Variants in CALCR observed in about 807,000 individuals in gnomAD.
CALCR encodes the protein calcitonin receptor.
In CALCR, 47 loss-of-function variants were observed where a neutral mutation model predicts 59.5. The ratio of observed to expected loss-of-function variants is 0.79; its 90% CI spans 0.63 to 1.01. The LOEUF (loss-of-function observed/expected upper bound fraction) is 1.01, where lower values mean the gene tolerates loss of function less well. CALCR is among the 50% of genes least tolerant of loss of function. The pLI is 0.00. For missense variants in CALCR, 566 were observed against 597.1 expected (o/e 0.95, Z 0.54); for synonymous variants, 213 against 211.3 (o/e 1.01, Z -0.07).
chr7:93,528,133 T>C (rs1788719612), intron 2 of CALCR, among the ~76,000 whole-genome samples: 1 of 152,152 alleles, frequency 6.6e-6, no homozygotes, highest in Admixed American at 6.6e-5. Context: ...TTTAAATAAA[T>C]TTCGTACACT....
intron 8 of CALCR, 91 bp downstream of exon 8, chr7:93,460,730 C>T (rs1328581040): frequency 1.1e-6 from 1 of 928,290 alleles, no homozygotes; most frequent in Admixed American, 2.8e-5. Flanking sequence ...ATGTAAACAG[C>T]TGCTTAAGTC....
At chr7:93,512,271 C>T (rs1224788330) in intron 2 of CALCR, among the ~76,000 whole-genome samples, 1 of 152,104 alleles carries the variant, frequency 6.6e-6, no homozygotes, top group African/African-American at 2.4e-5. Flanking sequence ...CATAACAGCC[C>T]TGTATGGTAC....
At chr7:93,450,911 T>C (rs1223677322) in intron 8 of CALCR, among the ~76,000 whole-genome samples, 1 of 151,970 alleles carries the variant, frequency 6.6e-6, no homozygotes, top group Non-Finnish European at 1.5e-5. Context: ...AAAACAATTT[T>C]CTTCAAAAAG....
intron 8 of CALCR, among the ~76,000 whole-genome samples, chr7:93,456,439 A>G (rs1351246192): frequency 6.6e-6 from 1 of 152,070 alleles, no homozygotes; most frequent in African/African-American, 2.4e-5. Context: ...TCTGTAGAAA[A>G]AAAAAAACAG....
intron 8 of CALCR, among the ~76,000 whole-genome samples, chr7:93,460,593 G>GTATATATATATA (rs368578654): frequency 1.7e-3 from 156 of 89,350 alleles, no homozygotes; most frequent in African/African-American, 6.4e-3. Context: ...ATATATATAT[G>GTATATATATATA]TATATATATA....
chr7:93,480,402 A>G (rs1049282971), intron 3 of CALCR, among the ~76,000 whole-genome samples: 1 of 151,286 alleles, frequency 6.6e-6, no homozygotes, highest in Non-Finnish European at 1.5e-5. Flanking sequence ...TTTTGAGGAG[A>G]CCTAAAAACA....
At chr7:93,498,708 T>C (rs1801261709) in intron 2 of CALCR, among the ~76,000 whole-genome samples, 1 of 151,664 alleles carries the variant, frequency 6.6e-6, no homozygotes. Context: ...TGAAGAAATC[T>C]TAAGTGGGCT....
intron 2 of CALCR, among the ~76,000 whole-genome samples, chr7:93,533,138 CATTTT>C (rs574177016): frequency 1.4e-4 from 22 of 151,832 alleles, no homozygotes; most frequent in Non-Finnish European, 2.8e-4. Context: ...TGTTCAACTT[CATTTT>C]ATTATTACAT....
chr7:93,532,542 G>A (rs1023950435), intron 2 of CALCR, among the ~76,000 whole-genome samples: 2 of 151,986 alleles, frequency 1.3e-5, no homozygotes, highest in African/African-American at 4.8e-5. Flanking sequence ...TAATGAGAAA[G>A]CTACATAATT....
intron 2 of CALCR, among the ~76,000 whole-genome samples, chr7:93,489,061 A>C (rs916020970): frequency 1.3e-5 from 2 of 151,750 alleles, no homozygotes; most frequent in African/African-American, 4.8e-5. Context: ...CATAACAAAC[A>C]GTCTCTCAGA....
At chr7:93,485,072 A>AT (rs561681728) in intron 3 of CALCR, among the ~76,000 whole-genome samples, 9 of 151,632 alleles carry the variant, frequency 5.9e-5, no homozygotes, top group African/African-American at 1.9e-4. Context: ...TGTCATTAAA[A>AT]TTTTTTTTCT....
At chr7:93,552,854 T>TA (rs1789497564) in intron 2 of CALCR, among the ~76,000 whole-genome samples, 1 of 152,128 alleles carries the variant, frequency 6.6e-6, no homozygotes, top group Non-Finnish European at 1.5e-5. Context: ...TCCTCCCCGG[T>TA]AAAAAGGGGA....
chr7:93,498,496 C>T (rs753171129), intron 2 of CALCR, among the ~76,000 whole-genome samples: 15 of 151,602 alleles, frequency 9.9e-5, no homozygotes, highest in African/African-American at 3.4e-4. Flanking sequence ...TTTATAGTAT[C>T]GGAACTCTAA....
intron 2 of CALCR, among the ~76,000 whole-genome samples, chr7:93,541,060 T>C (rs1375096977): frequency 6.6e-6 from 1 of 152,156 alleles, no homozygotes; most frequent in Non-Finnish European, 1.5e-5. Flanking sequence ...TTATAATTTG[T>C]AAAATATGAT....
chr7:93,529,990 T>C (rs1007361727), intron 2 of CALCR, among the ~76,000 whole-genome samples: 1 of 152,174 alleles, frequency 6.6e-6, no homozygotes, highest in Non-Finnish European at 1.5e-5. Flanking sequence ...TGCTCTTTAT[T>C]GTACTCCAGT....
chr7:93,428,416 G>A (rs962625072), intron 13 of CALCR, among the ~76,000 whole-genome samples: 1 of 152,188 alleles, frequency 6.6e-6, no homozygotes, highest in African/African-American at 2.4e-5. Flanking sequence ...AAATGCCAGG[G>A]TTATAATCTA....
chr7:93,450,841 T>C (rs189111109), intron 8 of CALCR, among the ~76,000 whole-genome samples: 75 of 152,096 alleles, frequency 4.9e-4, no homozygotes, highest in Middle Eastern at 6.8e-3. Context: ...CTGTAATATA[T>C]ACCCTGTAAC....
chr7:93,570,052 G>A (rs572229181), intron 2 of CALCR, among the ~76,000 whole-genome samples: 4 of 152,080 alleles, frequency 2.6e-5, no homozygotes, highest in Admixed American at 2.6e-4. Context: ...CTCCAAATCA[G>A]GAGTCAATTT....
At chr7:93,523,437 T>C (rs1235722648) in intron 2 of CALCR, among the ~76,000 whole-genome samples, 2 of 152,212 alleles carry the variant, frequency 1.3e-5, no homozygotes, top group African/African-American at 2.4e-5. Context: ...TCTCCTGGAC[T>C]GTGAGGTTAT....
Sources: allele counts gnomAD v4.1 joint callset (sites outside exome capture counted in the v4.1 genomes callset), GRCh38; gene constraint gnomAD v4.1.1; transcripts MANE v1.5; gene names NCBI Gene and HGNC (gene_info 2026-07-23, HGNC 2026-07-21).